Variants in HHIPL1 observed in about 807,000 individuals in gnomAD.
The protein encoded by HHIPL1 is HHIP-like protein 1.
In HHIPL1, 43 loss-of-function variants were observed where a neutral mutation model predicts 61.8. The ratio of observed to expected loss-of-function variants is 0.70; its 90% CI spans 0.55 to 0.90. HHIPL1 has a LOEUF of 0.90. HHIPL1 is among the 40% of genes least tolerant of loss of function. HHIPL1 has a pLI of 0.00. For missense variants in HHIPL1, 1,056 were observed against 1,157.7 expected (o/e 0.91, Z 1.28); for synonymous variants, 482 against 515.8 (o/e 0.93, Z 0.89).
chr14:99,663,510 G>T (rs2056188925), intron 6 of HHIPL1, among the ~76,000 whole-genome samples: 1 of 152,142 alleles, frequency 6.6e-6, no homozygotes, highest in Admixed American at 6.5e-5. Context: ...GTTGTGGTGG[G>T]TTTTAGCCGG....
At position 99,672,342 on chromosome 14, in the gene HHIPL1, A is replaced by T. The variant is rs946886327; in HGVS notation, c.1756A>T (p.Ile586Phe). 4.5e-6 allele frequency: 7 copies of T among 1,551,216 alleles called. No individual in the cohort carries two copies. Among genetic ancestry groups the T allele is most frequent in the African/African-American group, 2.7e-5 (2 of 73,164 alleles). The change falls in exon 8 of 9, where the codon ATC (isoleucine) becomes TTC (phenylalanine). Residue 586 changes from isoleucine (I) to phenylalanine (F), a missense_variant. Physicochemically the swap from Ile to Phe is conservative, Grantham distance 21. Transcript: ENST00000330710. ...GCGGGCACCACCTGGCAAATGTCAG[A>T]TCCAGCCTGCTCAGGTGAAGATCAG... ...SRRAPPGKCQIQPAQVKIRSR... is the reference protein window; with the variant it reads ...SRRAPPGKCQFQPAQVKIRSR...
rs554216426 is a variant in HHIPL1 at position 99,675,331 on chromosome 14, G to A, written c.2054G>A (p.Ser685Asn). ...LVRPAGLSSG[S>N]GRVEVFVGGR... ...CGGCCCGCGGGCCTGAGCTCTGGCA[G>A]CGGGCGCGTGGAGGTGTTCGTGGGC... The change falls in exon 9 of 9, where the codon AGC (serine) becomes AAC (asparagine). Residue 685 changes from serine to asparagine, a missense_variant. Physicochemically the swap from Ser to Asn is conservative, Grantham distance 46. Coordinates refer to ENST00000330710, the MANE Select transcript of HHIPL1 (RefSeq NM_001127258.3). This position sits in a 1 kb window ranked among gnomAD's most constrained non-coding sequence, Gnocchi z 5.4. 25 of 1,424,576 alleles carry A rather than the reference G, an allele frequency of 1.8e-5. 1 individual carries two copies. In the South Asian group the frequency reaches 3.4e-4, roughly 19 times the overall value. The allele number at this position is 1,424,576 out of a possible 1,614,324, so 88.2% of individuals were successfully genotyped here.
At chr14:99,663,620 C>T (rs1439792500) in intron 6 of HHIPL1, among the ~76,000 whole-genome samples, 1 of 152,128 alleles carries the variant, frequency 6.6e-6, no homozygotes, top group African/African-American at 2.4e-5. Flanking sequence ...GGAATGCAAC[C>T]CAGTAGGTTT....
Position 99,675,569 on chromosome 14 carries a change from C to T in HHIPL1, c.2292C>T (p.Asn764=). The T allele has an allele frequency of 6.5e-7, 1 of 1,537,158 alleles. No individual in the cohort carries two copies. Among genetic ancestry groups the T allele is most frequent in the Non-Finnish European group, 8.7e-7 (1 of 1,145,302 alleles). Residue 764 remains asparagine, a synonymous_variant, in exon 9 of 9, where the codon AAC becomes AAT. Coordinates refer to ENST00000330710, the MANE Select transcript of HHIPL1 (RefSeq NM_001127258.3). This position sits in a 1 kb window ranked among gnomAD's most constrained non-coding sequence, Gnocchi z 5.4. ...ECQHNGVGTH[N]CEHDEDAGVV... The stretch of plus-strand genomic sequence containing the variant: ...AGCACAACGGCGTGGGCACCCACAA[C>T]TGCGAGCACGACGAGGATGCGGGCG...
chr14:99,643,971 A>G (rs1040118530), upstream of HHIPL1, among the ~76,000 whole-genome samples: 16 of 152,162 alleles, frequency 1.1e-4, no homozygotes, highest in African/African-American at 3.9e-4. Context: ...AGGTTACTTC[A>G]CTGAGCCCTG....
At chr14:99,613,339 T>G in the HHIPL1 span, among the ~76,000 whole-genome samples, 2 of 152,008 alleles carry the variant, frequency 1.3e-5, no homozygotes, top group African/African-American at 4.8e-5. Context: ...TAATTAATTT[T>G]TTTTTAGACA....
At chr14:99,666,012 C>A (rs1256626759) in intron 6 of HHIPL1, among the ~76,000 whole-genome samples, 1 of 151,712 alleles carries the variant, frequency 6.6e-6, no homozygotes, top group Admixed American at 6.6e-5. Context: ...AAACTGCTGA[C>A]CTCAAGTGAT....
rs1555378192 is a variant in HHIPL1 at position 99,661,421 on chromosome 14, A to AGGAAGGAAGGAAGGAAGGAAGGAAG, written c.1502+1016_1502+1017insGAAGGAAGGAAGGAAGGAAGGAAGG. 7.5e-3 allele frequency among the ~76,000 whole-genome samples: 1,079 copies of AGGAAGGAAGGAAGGAAGGAAGGAAG among 143,506 alleles called. 22 individuals carry two copies. The highest frequency in any genetic ancestry group is 0.026 in the African/African-American group (1,000 of 38,042). The allele number at this position is 143,506 out of a possible 152,430, so 94.1% of individuals were successfully genotyped here. On this transcript the variant is annotated intron_variant, in intron 5 of 8. Transcript: ENST00000330710. ...AGAAAGAAAGAGAGAGAGAGAGAAA[A>AGGAAGGAAGGAAGGAAGGAAGGAAG]GAAGGAAGGAAGGAAGGAAGGAAGG...
the HHIPL1 span, among the ~76,000 whole-genome samples, chr14:99,636,205 G>C: frequency 1.3e-5 from 2 of 152,020 alleles, no homozygotes; most frequent in African/African-American, 4.8e-5. Context: ...TGTCATGGAG[G>C]CTTCGGAATA....
chr14:99,621,709 CTTTTTTTTTTT>C, the HHIPL1 span, among the ~76,000 whole-genome samples: 3 of 84,534 alleles, frequency 3.5e-5, no homozygotes, highest in African/African-American at 4.6e-5. Flanking sequence ...CTTTTCTTTT[CTTTTTTTTTTT>C]TTTTTTTTTT....
chr14:99,609,002 G>A, the HHIPL1 span, among the ~76,000 whole-genome samples: 469 of 152,320 alleles, frequency 3.1e-3, 7 homozygotes, highest in Middle Eastern at 0.017. Context: ...TGTCTCTTCT[G>A]CTGTGACTCT....
intron 1 of HHIPL1, among the ~76,000 whole-genome samples, chr14:99,650,589 G>A (rs900752077): frequency 6.6e-6 from 1 of 152,206 alleles, no homozygotes; most frequent in Non-Finnish European, 1.5e-5. Context: ...AGCAGACGTG[G>A]CTCAAACCCC....
At chr14:99,657,866 CAT>C (rs1335149444) in intron 3 of HHIPL1, among the ~76,000 whole-genome samples, 10 of 151,974 alleles carry the variant, frequency 6.6e-5, no homozygotes, top group Non-Finnish European at 8.8e-5. Context: ...AATACACACA[CAT>C]ATACACACAC....
chr14:99,642,612 G>A (rs937972292), upstream of HHIPL1, among the ~76,000 whole-genome samples: 1 of 151,186 alleles, frequency 6.6e-6, no homozygotes, highest in Non-Finnish European at 1.5e-5. Context: ...TGCAAGTTCC[G>A]CCTCCTGGGT....
At chr14:99,627,164 C>T in the HHIPL1 span, among the ~76,000 whole-genome samples, 1 of 151,956 alleles carries the variant, frequency 6.6e-6, no homozygotes, top group Non-Finnish European at 1.5e-5. This position sits in a 1 kb window ranked among gnomAD's most constrained non-coding sequence, Gnocchi z 4.4. Flanking sequence ...ACCTATCTGT[C>T]CCTGTATCCA....
At chr14:99,625,251 C>A in the HHIPL1 span, 56 of 152,376 alleles carry the variant, frequency 3.7e-4, no homozygotes, top group African/African-American at 1.3e-3. Flanking sequence ...ACCTGAGCAA[C>A]CTCCTCCCAT....
chr14:99,674,002 T>G (rs2056357929), intron 8 of HHIPL1, among the ~76,000 whole-genome samples: 1 of 149,364 alleles, frequency 6.7e-6, no homozygotes, highest in Non-Finnish European at 1.5e-5. Context: ...GTGGGAGAGG[T>G]GAGGCAGCCT....
At chr14:99,665,118 G>A (rs971410682) in intron 6 of HHIPL1, among the ~76,000 whole-genome samples, 1 of 151,968 alleles carries the variant, frequency 6.6e-6, no homozygotes, top group African/African-American at 2.4e-5. Flanking sequence ...GTAGAGATGG[G>A]GTTTCATCAT....
intron 6 of HHIPL1, among the ~76,000 whole-genome samples, chr14:99,666,057 C>T (rs1467915574): frequency 1.3e-5 from 2 of 152,202 alleles, no homozygotes; most frequent in Admixed American, 6.5e-5. Flanking sequence ...GCTGGGATTA[C>T]AGGCGTCAGC....
Sources: allele counts gnomAD v4.1 joint callset (sites outside exome capture counted in the v4.1 genomes callset), GRCh38; gene constraint gnomAD v4.1.1; non-coding constraint Gnocchi (gnomAD v3.1); transcripts MANE v1.5; gene names NCBI Gene and HGNC (gene_info 2026-07-23, HGNC 2026-07-21).